OVGP1: variants seen among roughly 807,000 people sequenced by gnomAD.
OVGP1 encodes the protein oviductal glycoprotein 1.
A neutral mutation model predicts 48.2 loss-of-function variants in OVGP1; 26 were observed. The observed-to-expected ratio is 0.54, with a 90% CI of 0.40 to 0.75. The LOEUF (loss-of-function observed/expected upper bound fraction) is 0.75. Among genes scored for constraint, OVGP1 ranks in the 30% least tolerant of loss-of-function variants. The pLI, the probability that OVGP1 is intolerant of heterozygous loss-of-function variation, is 0.00. For missense variants in OVGP1, 791 were observed against 820.6 expected (o/e 0.96, Z 0.44); for synonymous variants, 294 against 305.7 (o/e 0.96, Z 0.40).
chr1:111,418,194 A>G (rs562219669), intron 9 of OVGP1, among the ~76,000 whole-genome samples: 23 of 152,258 alleles, frequency 1.5e-4, no homozygotes, highest in African/African-American at 4.8e-4. Context: ...CTCCTCACCT[A>G]GTTCTGCAAG....
intron 5 of OVGP1, among the ~76,000 whole-genome samples, chr1:111,423,259 C>T (rs972984796): frequency 1.3e-5 from 2 of 152,162 alleles, no homozygotes; most frequent in African/African-American, 2.4e-5. Context: ...GGGTGGCAAG[C>T]AGGCTCAGAA....
chr1:111,424,893 T>C (rs977050327), intron 4 of OVGP1, among the ~76,000 whole-genome samples: 1 of 152,342 alleles, frequency 6.6e-6, no homozygotes, highest in East Asian at 1.9e-4. Flanking sequence ...CTCATGGAGA[T>C]TGAAGTGCTA....
intron 2 of OVGP1, 78 bp downstream of exon 2, chr1:111,426,984 G>T: frequency 6.2e-7 from 1 of 1,611,172 alleles, no homozygotes; most frequent in Admixed American, 1.7e-5. Flanking sequence ...AAGGTGGGCT[G>T]CAGGGGACAC....
Position 111,421,678 on chromosome 1 carries a change from A to G in OVGP1, c.609-5T>C. The G allele has an allele frequency of 6.4e-7, 1 of 1,556,350 alleles. No homozygotes were observed. The highest frequency in any genetic ancestry group is 8.9e-7 in the Non-Finnish European group (1 of 1,127,486). On this transcript the variant is annotated splice_region_variant and splice_polypyrimidine_tract_variant and intron_variant, in intron 6 of 10. Transcript: ENST00000369732. The stretch of plus-strand genomic sequence containing the variant: ...ACATTGATGAAATCCAGGAGTCTGT[A>G]AGGGGCAGGAGGAAGAGATATAAAG...
intron 4 of OVGP1, 74 bp from the exon 5 acceptor site, chr1:111,423,782 C>A: frequency 6.8e-7 from 1 of 1,466,512 alleles, no homozygotes; most frequent in South Asian, 1.3e-5. Flanking sequence ...CCCTTGCAAG[C>A]TTGGTTCCCT....
intron 1 of OVGP1, chr1:111,427,454 G>T (rs2101730502): frequency 1.2e-6 from 1 of 818,018 alleles, no homozygotes; most frequent in Non-Finnish European, 1.5e-6. Context: ...AACAGAACTG[G>T]TCCAAGGTGG....
At chr1:111,425,161 C>A (rs552670663) in intron 4 of OVGP1, among the ~76,000 whole-genome samples, 2 of 152,318 alleles carry the variant, frequency 1.3e-5, no homozygotes, top group East Asian at 3.9e-4. Context: ...TTTCCCCCAG[C>A]CTCTTTCTCA....
Position 111,415,140 on chromosome 1 carries a change from G to A in OVGP1, c.1361C>T (p.Thr454Ile), listed in dbSNP as rs149574012. 2.9e-5 allele frequency: 46 copies of A among 1,614,018 alleles called. No individual in the cohort carries two copies. Among genetic ancestry groups the A allele is most frequent in the Non-Finnish European group, 3.3e-5 (39 of 1,180,006 alleles). Reference sequence around the variant, plus strand: ...CTTTCCAAGGGATACAGTTTCCTTTGTAGGGGTCACAGTTGTACCTCTAGG... The same window carrying A: ...CTTTCCAAGGGATACAGTTTCCTTTATAGGGGTCACAGTTGTACCTCTAGG... ...ITPRGTTVTPTKETVSLGKHT... is the reference protein window; with the variant it reads ...ITPRGTTVTPIKETVSLGKHT... Residue 454 changes from threonine to isoleucine, a missense_variant, in exon 11 of 11, where the codon ACA (threonine) becomes ATA (isoleucine). By Grantham distance (89) the Thr-to-Ile change is moderately conservative (BLOSUM62 -1). Transcript: ENST00000369732.
chr1:111,414,483 G>A lies in OVGP1; in HGVS notation c.2018C>T (p.Ala673Val), dbSNP rs535520475. 5.0e-6 allele frequency: 8 copies of A among 1,612,760 alleles called. No individual in the cohort carries two copies. The Middle Eastern group carries it at 5.0e-4, about 100-fold the overall frequency. Residue 673 changes from alanine to valine, a missense_variant, in exon 11 of 11, where the codon GCT becomes GTT. Ala to Val is a moderately conservative substitution (Grantham distance 64). Transcript: ENST00000369732. ...SLKKEIPENS[A>V]VDEEA ...AGGGGCTTAGGCTTCTTCATCCACA[G>A]CAGAGTTTTCTGGGATTTCTTTTTT...
intron 6 of OVGP1, among the ~76,000 whole-genome samples, chr1:111,422,231 C>T (rs567379111): frequency 6.6e-6 from 1 of 152,276 alleles, no homozygotes; most frequent in South Asian, 2.1e-4. Context: ...AGGACTCTCT[C>T]AATCCTGTCT....
intron 8 of OVGP1, among the ~76,000 whole-genome samples, chr1:111,420,839 AGAGAT>A (rs1390420534): frequency 6.6e-6 from 1 of 152,236 alleles, no homozygotes; most frequent in Non-Finnish European, 1.5e-5. Flanking sequence ...GGGAGCCAGC[AGAGAT>A]GAGACAAAAT....
At chr1:111,416,165 T>C (rs981289108) in intron 10 of OVGP1, among the ~76,000 whole-genome samples, 158 bp downstream of exon 10, 2 of 152,174 alleles carry the variant, frequency 1.3e-5, no homozygotes, top group Non-Finnish European at 2.9e-5. Context: ...GGGCCAAGTA[T>C]CCCAACAAAG....
At chr1:111,425,785 T>A (rs1652384214) in intron 3 of OVGP1, among the ~76,000 whole-genome samples, 1 of 152,254 alleles carries the variant, frequency 6.6e-6, no homozygotes, top group Non-Finnish European at 1.5e-5. Context: ...AATGTCTATG[T>A]GCCATTTACT....
At chr1:111,417,480 T>C (rs970083373) in intron 9 of OVGP1, among the ~76,000 whole-genome samples, 1 of 152,168 alleles carries the variant, frequency 6.6e-6, no homozygotes, top group African/African-American at 2.4e-5. Flanking sequence ...GCCAAGTCAA[T>C]TGGCTCCTTT....
chr1:111,416,251 C>T (rs1038118906), intron 10 of OVGP1, 72 bp downstream of exon 10: 18 of 1,399,566 alleles, frequency 1.3e-5, no homozygotes, highest in Non-Finnish European at 1.7e-5. Context: ...GCATTTAGAT[C>T]TAGCAGAAGG....
rs61741921 is a variant in OVGP1 at position 111,415,257 on chromosome 1, G to A, written c.1244C>T (p.Thr415Met). 2.9e-4 allele frequency: 465 copies of A among 1,614,166 alleles called. 2 individuals carry two copies. In the African/African-American group the frequency reaches 5.0e-3, roughly 17 times the overall value. Residue 415 changes from threonine (T) to methionine (M), a missense_variant, in exon 11 of 11, where the codon ACG becomes ATG. Coordinates refer to ENST00000369732, the MANE Select transcript of OVGP1 (RefSeq NM_002557.4). ...STDPERLAVT[T>M]AWTTDSKILP... Reference sequence around the variant, plus strand: ...AATCTTACTATCAGTGGTCCATGCCGTGGTCACAGCCAGCCTTTCAGGGTC... The same window carrying A: ...AATCTTACTATCAGTGGTCCATGCCATGGTCACAGCCAGCCTTTCAGGGTC...
chr1:111,415,888 G>A (rs968406977), intron 10 of OVGP1, among the ~76,000 whole-genome samples: 3 of 152,134 alleles, frequency 2.0e-5, no homozygotes, highest in Non-Finnish European at 2.9e-5. Context: ...TAAACCATCC[G>A]TAAGGATGCT....
In OVGP1 at chr1:111,421,413, G is replaced by T; in HGVS notation, c.766C>A (p.Leu256Ile). The T allele has an allele frequency of 1.9e-6, 3 of 1,613,510 alleles. No individual in the cohort carries two copies. The highest frequency in any genetic ancestry group is 2.5e-6 in the Non-Finnish European group (3 of 1,179,780). Residue 256 changes from leucine (L) to isoleucine (I), a missense_variant, in exon 8 of 11, where the codon CTC becomes ATC. Leu to Ile is a conservative substitution (Grantham distance 5). Coordinates refer to ENST00000369732, the MANE Select transcript of OVGP1 (RefSeq NM_002557.4). ...WRKLGAPSEK[L>I]IMGIPTYGRT... ...CCATAGGTGGGGATCCCCATGATGA[G>T]CTTCTCTGAGGGTGCCCCAAGCTTT...
intron 8 of OVGP1, among the ~76,000 whole-genome samples, chr1:111,420,078 T>C (rs577877904): frequency 6.8e-4 from 104 of 152,308 alleles, no homozygotes; most frequent in African/African-American, 2.4e-3. Flanking sequence ...AGTGTTTTCA[T>C]AAACAAGTCT....
Sources: gnomAD v4.1 joint callset for allele counts (sites outside exome capture counted in the v4.1 genomes callset) on GRCh38, gnomAD v4.1.1 for gene constraint, MANE v1.5 for transcripts, NCBI Gene and HGNC (gene_info 2026-07-23, HGNC 2026-07-21) for gene names.